Variants in ZNF423 observed in about 807,000 individuals in gnomAD.
ZNF423 encodes zinc finger protein 423, also known as Ebf-associated zinc finger protein.
Under a neutral mutation model 95.8 loss-of-function variants are expected in ZNF423, and 12 were observed. That is an observed-to-expected ratio of 0.13 (90% confidence interval 0.08 to 0.20). The LOEUF is 0.20. ZNF423 is among the 10% of genes least tolerant of loss of function. The probability of loss-of-function intolerance (pLI) is 1.00; values close to 1 mark genes in which losing one functional copy is unlikely to be tolerated. For missense variants in ZNF423, 1,316 were observed against 1,737.1 expected, an observed-to-expected ratio of 0.76 and a Z score of 4.31; for synonymous variants, 749 against 711.9, an observed-to-expected ratio of 1.05 and a Z score of -0.83.
intron 3 of ZNF423, among the ~76,000 whole-genome samples, chr16:49,653,191 C>T (rs1973478401): frequency 6.6e-6 from 1 of 151,922 alleles, no homozygotes; most frequent in Non-Finnish European, 1.5e-5. Flanking sequence ...TCCCCTGCTG[C>T]CCAGACAGAG....
At position 49,491,313 on chromosome 16, in the gene ZNF423, G is replaced by A. The variant is rs78514142; in HGVS notation, c.3850-9C>T. On this transcript the variant is annotated splice_polypyrimidine_tract_variant and intron_variant, in intron 7 of 7. Coordinates refer to ENST00000563137, the MANE Select transcript of ZNF423 (RefSeq NM_001379286.1). ...TGGCTCATCGTGTGGTTCTGCAAAG[G>A]CGAAGAAAGGAGACACACATGAAGG... 4.3e-3 allele frequency: 6,960 copies of A among 1,613,918 alleles called. 250 individuals are homozygous for A. In the African/African-American group the frequency reaches 0.081, roughly 19 times the overall value.
intron 3 of ZNF423, among the ~76,000 whole-genome samples, chr16:49,726,847 TC>T (rs886641765): frequency 1.4e-5 from 1 of 70,560 alleles, no homozygotes; most frequent in African/African-American, 6.1e-5. Context: ...AAGACAGAGT[TC>T]CCCCTAGCAA....
At chr16:49,576,890 G>A (rs963239168) in intron 5 of ZNF423, among the ~76,000 whole-genome samples, 10 of 152,192 alleles carry the variant, frequency 6.6e-5, no homozygotes, top group Non-Finnish European at 1.5e-4. Flanking sequence ...TTTTAAAAAT[G>A]TAGTTTAATA....
In ZNF423 at chr16:49,789,489, G is replaced by A. The variant is rs1485708833; in HGVS notation, c.98C>T (p.Ala33Val). 1 of 1,612,270 alleles carries A rather than the reference G, an allele frequency of 6.2e-7. No homozygotes were observed. Among genetic ancestry groups the A allele is most frequent in the South Asian group, 1.1e-5 (1 of 90,816 alleles). ...TCCACCAGCCCCCGGGCATTTACCT[G>A]CTGCTGTCACGGAGGAATCCCAGGC... Reference protein sequence around the residue: ...SLAWDSSVTAAGGLEGEPECD... With the variant: ...SLAWDSSVTAVGGLEGEPECD... The change falls in exon 2 of 8, where the codon GCA becomes GTA. Residue 33 changes from alanine (A) to valine (V), a missense_variant and splice_region_variant. Ala to Val is a moderately conservative substitution (Grantham distance 64). Coordinates refer to ENST00000563137, the MANE Select transcript of ZNF423 (RefSeq NM_001379286.1).
At chr16:49,782,009 T>G (rs72780372) in intron 2 of ZNF423, among the ~76,000 whole-genome samples, 3 of 152,312 alleles carry the variant, frequency 2.0e-5, no homozygotes, top group Non-Finnish European at 4.4e-5. Context: ...GGAGGTGGTG[T>G]GAGTCCCTGC....
At chr16:49,738,635 C>T (rs932729330) in intron 2 of ZNF423, among the ~76,000 whole-genome samples, 3 of 151,746 alleles carry the variant, frequency 2.0e-5, no homozygotes, top group Non-Finnish European at 2.9e-5. Context: ...CAGGGATGGA[C>T]GGGAGGAGAA....
At chr16:49,737,748 A>G (rs6500246) in intron 2 of ZNF423, among the ~76,000 whole-genome samples, 108,891 of 152,160 alleles carry the variant, frequency 0.72, 39,110 homozygotes, top group East Asian at 0.78. Flanking sequence ...AGGGCTTCGC[A>G]AGGTCATGAG....
chr16:49,826,321 G>A (rs2035004807), intron 1 of ZNF423, among the ~76,000 whole-genome samples: 1 of 152,224 alleles, frequency 6.6e-6, no homozygotes, highest in South Asian at 2.1e-4. Flanking sequence ...AACCTTCCAA[G>A]ATGCCTTTCT....
chr16:49,548,645 C>G lies in ZNF423; in HGVS notation c.3602-23151G>C, dbSNP rs1017178888. ...GAGAAGGGGAGAGAGACGGGGAAGG[C>G]GGAGCAGAGAGAAGGGAGAGAAGGA... is the stretch of plus-strand genomic sequence containing the variant. On this transcript the variant is annotated intron_variant, in intron 5 of 7. Transcript: ENST00000563137. 2.0e-5 allele frequency among the ~76,000 whole-genome samples: 3 copies of G among 152,174 alleles called. No individual in the cohort carries two copies. In the East Asian group the frequency reaches 5.8e-4, roughly 29 times the overall value.
At chr16:49,732,586 A>G (rs1012799412) in intron 2 of ZNF423, among the ~76,000 whole-genome samples, 32 of 152,252 alleles carry the variant, frequency 2.1e-4, no homozygotes, top group South Asian at 6.2e-4. Context: ...ACATGTGTGT[A>G]CATGCAACAT....
At chr16:49,688,470 G>A (rs988909438) in intron 3 of ZNF423, among the ~76,000 whole-genome samples, 4 of 152,196 alleles carry the variant, frequency 2.6e-5, no homozygotes, top group East Asian at 3.9e-4. Context: ...CGAGATCCCC[G>A]AGTGACGGGA....
intron 2 of ZNF423, among the ~76,000 whole-genome samples, chr16:49,738,388 C>T (rs182417767): frequency 6.6e-6 from 1 of 152,190 alleles, no homozygotes; most frequent in South Asian, 2.1e-4. Flanking sequence ...AGCTCCAGTA[C>T]ACCTCAGCCC....
intron 6 of ZNF423, among the ~76,000 whole-genome samples, chr16:49,524,918 C>A (rs917068994): frequency 6.6e-6 from 1 of 152,208 alleles, no homozygotes; most frequent in Non-Finnish European, 1.5e-5. Context: ...TTGACCCCTG[C>A]ATCCTGGAGC....
intron 5 of ZNF423, among the ~76,000 whole-genome samples, chr16:49,527,151 C>G (rs1968643529): frequency 6.6e-6 from 1 of 152,142 alleles, no homozygotes; most frequent in Admixed American, 6.5e-5. Context: ...CACCCCCGGG[C>G]ACCCCACCGC....
chr16:49,678,132 A>G (rs2356620), intron 3 of ZNF423, among the ~76,000 whole-genome samples: 138,987 of 152,090 alleles, frequency 0.91, 63,645 homozygotes, highest in African/African-American at 0.97. Context: ...GCAGTGAGCC[A>G]AGATCGCGCC....
chr16:49,490,901 GA>G lies in ZNF423; in HGVS notation c.*373del. 1 of 191,872 alleles carries G rather than the reference GA, an allele frequency of 5.2e-6. No individual in the cohort carries two copies. Among genetic ancestry groups the G allele is most frequent in the Non-Finnish European group, 1.0e-5 (1 of 95,528 alleles). The allele number at this position is 191,872 out of a possible 1,614,324, so 11.9% of individuals were successfully genotyped here. ...GGTGGGGGGGAAGAAAAACAAGAAAGAAAAAAAAGAAGCAAAGAAAAAAAAT... is the reference window on the plus strand; with the variant it reads ...GGTGGGGGGGAAGAAAAACAAGAAAGAAAAAAAGAAGCAAAGAAAAAAAAT... On this transcript the variant is annotated 3_prime_UTR_variant, in exon 8 of 8. Transcript: ENST00000563137.
intron 2 of ZNF423, among the ~76,000 whole-genome samples, chr16:49,773,372 C>T (rs1029189076): frequency 2.6e-5 from 4 of 152,072 alleles, no homozygotes; most frequent in Non-Finnish European, 4.4e-5. Context: ...TGTGAGAACT[C>T]ACTCACTGTC....
rs906877231 is a variant in ZNF423 at position 49,585,037 on chromosome 16, C to T, written c.3601+41133G>A. 2.0e-5 allele frequency among the ~76,000 whole-genome samples: 3 copies of T among 152,272 alleles called. No individual in the cohort carries two copies. In the East Asian group the frequency reaches 5.8e-4, roughly 29 times the overall value. ...AAGCACTGCCATGGCTTTCTCAAGG[C>T]AGAAGGGTCAGAAGTGCTCATGAAC... is the stretch of plus-strand genomic sequence containing the variant. On this transcript the variant is annotated intron_variant, in intron 5 of 7. Coordinates refer to ENST00000563137, the MANE Select transcript of ZNF423 (RefSeq NM_001379286.1).
rs201361462 is a variant in ZNF423, at chr16:49,590,029, A to AATATATATATATATATATATATATAT, written c.3601+36140_3601+36141insATATATATATATATATATATATATAT. Among the ~76,000 whole-genome samples, 85 of 97,534 alleles carry AATATATATATATATATATATATATAT rather than the reference A, an allele frequency of 8.7e-4. 1 individual carries two copies. The highest frequency in any genetic ancestry group is 1.4e-3 in the African/African-American group (38 of 27,250). The allele number at this position is 97,534 out of a possible 152,430, so 64.0% of individuals were successfully genotyped here. ...GGGATGGGGTAAAGGGGAAGTGGCG[A>AATATATATATATATATATATATATAT]ATATATATATATATATATATATTTG... is the stretch of plus-strand genomic sequence containing the variant. On this transcript the variant is annotated intron_variant, in intron 5 of 7. Coordinates refer to ENST00000563137, the MANE Select transcript of ZNF423 (RefSeq NM_001379286.1).
Sources: allele counts gnomAD v4.1 joint callset (sites outside exome capture counted in the v4.1 genomes callset), GRCh38; gene constraint gnomAD v4.1.1; transcripts MANE v1.5; gene names NCBI Gene and HGNC (gene_info 2026-07-23, HGNC 2026-07-21).